B3GALT1: variants seen among roughly 807,000 people sequenced by gnomAD.
B3GALT1 encodes UDP-Gal:betaGlcNAc beta 1,3-galactosyltransferase, polypeptide 1.
Under a neutral mutation model 23.2 loss-of-function variants are expected in B3GALT1, and 10 were observed. The ratio of observed to expected loss-of-function variants is 0.43; its 90% CI spans 0.27 to 0.73. The LOEUF (loss-of-function observed/expected upper bound fraction) is 0.73, where lower values mean the gene tolerates loss of function less well. B3GALT1 is among the 30% of genes least tolerant of loss of function. The probability of loss-of-function intolerance (pLI) is 0.21; values close to 1 mark genes in which losing one functional copy is unlikely to be tolerated. For synonymous variants in B3GALT1, 156 were observed against 141.5 expected, an observed-to-expected ratio of 1.10 and a Z score of -0.73; for missense variants, 299 against 405.4, an observed-to-expected ratio of 0.74 and a Z score of 2.25.
intron 3 of B3GALT1, among the ~76,000 whole-genome samples, chr2:167,647,179 G>T (rs1685761547): frequency 6.6e-6 from 1 of 152,152 alleles, no homozygotes; most frequent in African/African-American, 2.4e-5. Context: ...CCCCATGAAG[G>T]TATCCACACA....
intron 3 of B3GALT1, among the ~76,000 whole-genome samples, chr2:167,704,106 G>A (rs1386093973): frequency 4.0e-5 from 6 of 151,258 alleles, no homozygotes; most frequent in Non-Finnish European, 8.8e-5. Context: ...GCGTGAACCC[G>A]GGAGGCGGAG....
intron 3 of B3GALT1, among the ~76,000 whole-genome samples, chr2:167,676,516 TACAC>T (rs34764364): frequency 0.24 from 34,127 of 144,998 alleles, 4,396 homozygotes; most frequent in Middle Eastern, 0.36. Flanking sequence ...TGTATGTTTA[TACAC>T]ACACACACAC....
At chr2:167,324,134 G>A (rs1160476624) in intron 1 of B3GALT1, among the ~76,000 whole-genome samples, 1 of 152,008 alleles carries the variant, frequency 6.6e-6, no homozygotes, top group Non-Finnish European at 1.5e-5. Flanking sequence ...AAATGCACTA[G>A]CACTCTGCTT....
intron 1 of B3GALT1, among the ~76,000 whole-genome samples, chr2:167,479,093 TAATA>T (rs1208748934): frequency 3.3e-5 from 5 of 151,720 alleles, no homozygotes; most frequent in Non-Finnish European, 5.9e-5. Flanking sequence ...AATAAATAAA[TAATA>T]AATAAATAAA....
At chr2:167,669,371 T>C (rs1209821465) in intron 3 of B3GALT1, among the ~76,000 whole-genome samples, 1 of 152,356 alleles carries the variant, frequency 6.6e-6, no homozygotes, top group Middle Eastern at 3.4e-3. Context: ...TCAAGATATC[T>C]TGAGGACAGA....
At chr2:167,712,859 T>C (rs903546296) in intron 3 of B3GALT1, among the ~76,000 whole-genome samples, 16 of 152,188 alleles carry the variant, frequency 1.1e-4, no homozygotes, top group African/African-American at 3.6e-4. Flanking sequence ...ATAGCAGAGA[T>C]TTAGAAAAAT....
intron 3 of B3GALT1, among the ~76,000 whole-genome samples, chr2:167,802,667 A>T (rs938777968): frequency 1.3e-5 from 2 of 152,160 alleles, no homozygotes; most frequent in South Asian, 2.1e-4. Flanking sequence ...AAATCCTATT[A>T]TATCTATTAT....
At chr2:167,829,415 G>A (rs543746312) in intron 4 of B3GALT1, among the ~76,000 whole-genome samples, 307 of 151,752 alleles carry the variant, frequency 2.0e-3, no homozygotes, top group Non-Finnish European at 3.7e-3. Context: ...TCTGGGAGGC[G>A]GAGGTTACAG....
chr2:167,671,123 T>TTA (rs1686318817), intron 3 of B3GALT1, among the ~76,000 whole-genome samples: 1 of 152,164 alleles, frequency 6.6e-6, no homozygotes, highest in Admixed American at 6.5e-5. Flanking sequence ...GATGTAACAA[T>TTA]TATATATGCA....
intron 1 of B3GALT1, among the ~76,000 whole-genome samples, chr2:167,295,594 C>T (rs1696337414): frequency 1.3e-5 from 2 of 152,062 alleles, no homozygotes; most frequent in Non-Finnish European, 2.9e-5. Flanking sequence ...CAGTAACAGC[C>T]AGTACTAAAA....
chr2:167,601,927 G>A (rs997522770), intron 2 of B3GALT1, among the ~76,000 whole-genome samples: 10 of 152,076 alleles, frequency 6.6e-5, no homozygotes, highest in African/African-American at 2.2e-4. Context: ...ACATTAAATA[G>A]CATAAAATGG....
intron 1 of B3GALT1, among the ~76,000 whole-genome samples, chr2:167,301,132 G>A (rs1401345851): frequency 6.6e-6 from 1 of 152,100 alleles, no homozygotes; most frequent in Non-Finnish European, 1.5e-5. Flanking sequence ...GTTGATCAAG[G>A]CAATGAAAAA....
At chr2:167,448,374 CT>C (rs1243769793) in intron 1 of B3GALT1, among the ~76,000 whole-genome samples, 1 of 151,720 alleles carries the variant, frequency 6.6e-6, no homozygotes, top group Non-Finnish European at 1.5e-5. Context: ...TGTTCCATAG[CT>C]TTTTTTAATA....
At chr2:167,559,546 GA>G (rs1042480462) in intron 2 of B3GALT1, among the ~76,000 whole-genome samples, 24 of 152,216 alleles carry the variant, frequency 1.6e-4, no homozygotes, top group African/African-American at 5.5e-4. Context: ...CAAAGAAGTT[GA>G]AAACTTTGAA....
At chr2:167,613,826 T>A (rs1685110598) in intron 2 of B3GALT1, among the ~76,000 whole-genome samples, 3 of 151,866 alleles carry the variant, frequency 2.0e-5, no homozygotes, top group Admixed American at 2.0e-4. Context: ...TATAAAGATA[T>A]TTAAATATCA....
At chr2:167,365,972 C>T (rs1486506134) in intron 1 of B3GALT1, among the ~76,000 whole-genome samples, 4 of 152,106 alleles carry the variant, frequency 2.6e-5, no homozygotes, top group African/African-American at 7.2e-5. Flanking sequence ...AAAGTACCTG[C>T]GCTCTTTTTG....
At chr2:167,507,895 G>T (rs1460237000) in intron 2 of B3GALT1, among the ~76,000 whole-genome samples, 1 of 152,152 alleles carries the variant, frequency 6.6e-6, no homozygotes, top group Non-Finnish European at 1.5e-5. Flanking sequence ...TATAGACTAG[G>T]TGGCTTATCA....
intron 2 of B3GALT1, among the ~76,000 whole-genome samples, chr2:167,570,561 T>C (rs562145453): frequency 3.3e-5 from 5 of 152,128 alleles, no homozygotes; most frequent in Admixed American, 2.0e-4. Context: ...ATAGTTTTAA[T>C]GTAGTGGATG....
chr2:167,639,868 A>G lies in B3GALT1; in HGVS notation c.-409-7041A>G, dbSNP rs568029968. 1.8e-4 allele frequency among the ~76,000 whole-genome samples: 28 copies of G among 152,250 alleles called. No homozygotes were observed. In the South Asian group the frequency reaches 5.8e-3, roughly 32 times the overall value. On this transcript the variant is annotated intron_variant, in intron 2 of 4. Transcript: ENST00000392690. Reference sequence around the variant, plus strand: ...TGCATATGGTTAGCACCTCAATTCCATACTTCCTTGATGTCAAATCCCAAA... The same window carrying G: ...TGCATATGGTTAGCACCTCAATTCCGTACTTCCTTGATGTCAAATCCCAAA...
Sources: allele counts gnomAD v4.1 joint callset (sites outside exome capture counted in the v4.1 genomes callset), GRCh38; gene constraint gnomAD v4.1.1; transcripts MANE v1.5; gene names NCBI Gene and HGNC (gene_info 2026-07-23, HGNC 2026-07-21).